B3GALNT2: variants seen among roughly 807,000 people sequenced by gnomAD.
B3GALNT2 encodes the protein UDP-GalNAc:beta-1,3-N-acetylgalactosaminyltransferase 2.
A neutral mutation model predicts 61.1 loss-of-function variants in B3GALNT2; 53 were observed. That is an observed-to-expected ratio of 0.87 (90% confidence interval 0.70 to 1.09). The LOEUF is 1.09. Among genes scored for constraint, B3GALNT2 ranks in the 50% least tolerant of loss-of-function variants. The probability of loss-of-function intolerance (pLI) is 0.00; values close to 1 mark genes in which losing one functional copy is unlikely to be tolerated. For synonymous variants in B3GALNT2, 223 were observed against 237.4 expected, an observed-to-expected ratio of 0.94 and a Z score of 0.56; for missense variants, 544 against 623.0, an observed-to-expected ratio of 0.87 and a Z score of 1.35.
rs776153145 is a variant in B3GALNT2 at position 235,458,783 on chromosome 1, C to T, written c.845G>A (p.Gly282Asp). 1.3e-6 allele frequency: 2 copies of T among 1,578,028 alleles called. No individual in the cohort carries two copies. Among genetic ancestry groups the T allele is most frequent in the Admixed American group, 1.9e-5 (1 of 52,094 alleles). Residue 282 changes from glycine to aspartate, a missense_variant, in exon 8 of 12, where the codon GGT (glycine) becomes GAT (aspartate). Gly to Asp is a moderately conservative substitution (Grantham distance 94, BLOSUM62 -1). Coordinates refer to ENST00000366600, the MANE Select transcript of B3GALNT2 (RefSeq NM_152490.5). Reference protein sequence around the residue: ...AGGFIYTIQEGDALLHNLHSR... With the variant: ...AGGFIYTIQEDDALLHNLHSR... ...ATGAAGGTTGTGTAAGAGAGCATCA[C>T]CTTCTATAAAGGAAAAGTTGAGAGT... is the stretch of plus-strand genomic sequence containing the variant.
chr1:235,497,080 C>CA (rs1173774243), intron 1 of B3GALNT2, among the ~76,000 whole-genome samples: 1 of 152,186 alleles, frequency 6.6e-6, no homozygotes, highest in East Asian at 1.9e-4. Flanking sequence ...CTGGGTAACA[C>CA]ATCAATTTTT....
At chr1:235,473,708 C>T (rs1383890559) in intron 5 of B3GALNT2, among the ~76,000 whole-genome samples, 1 of 152,106 alleles carries the variant, frequency 6.6e-6, no homozygotes, top group Non-Finnish European at 1.5e-5. Flanking sequence ...TAAAATAAAA[C>T]AGAAGGCTAG....
rs527320126 is a variant in B3GALNT2, at chr1:235,477,862, G to A, written c.651+2192C>T. Among the ~76,000 whole-genome samples, 350 of 152,278 alleles carry A rather than the reference G, an allele frequency of 2.3e-3. 1 individual carries two copies. The Middle Eastern group carries it at 0.024, about 10-fold the overall frequency. ...ACATCTATTGATCTACTGAATGCGTGGCATATGGCAGCATGTTCTAAGCAG... is the reference window on the plus strand; with the variant it reads ...ACATCTATTGATCTACTGAATGCGTAGCATATGGCAGCATGTTCTAAGCAG... On this transcript the variant is annotated intron_variant, in intron 5 of 11. Transcript: ENST00000366600.
At chr1:235,473,817 C>T (rs1684116868) in intron 5 of B3GALNT2, among the ~76,000 whole-genome samples, 1 of 152,174 alleles carries the variant, frequency 6.6e-6, no homozygotes, top group South Asian at 2.1e-4. Flanking sequence ...AAAATCCTCA[C>T]CTTGAAACTA....
chr1:235,452,983 C>T, intron 11 of B3GALNT2, 107 bp downstream of exon 11: 1 of 988,100 alleles, frequency 1.0e-6, no homozygotes, highest in Non-Finnish European at 1.5e-6. Flanking sequence ...ATCTGAAATC[C>T]TAAATACTTC....
downstream of B3GALNT2, among the ~76,000 whole-genome samples, chr1:235,444,479 C>T (rs969353066): frequency 8.5e-5 from 13 of 152,160 alleles, no homozygotes; most frequent in African/African-American, 2.9e-4. Context: ...TCACTGCAGG[C>T]TCCATCACCT....
intron 1 of B3GALNT2, chr1:235,496,335 CA>C: frequency 9.7e-7 from 1 of 1,027,828 alleles, no homozygotes; most frequent in Non-Finnish European, 1.2e-6. Context: ...AGTTCCATTC[CA>C]AATGGAATAG....
intron 1 of B3GALNT2, among the ~76,000 whole-genome samples, chr1:235,503,713 C>T (rs934364477): frequency 6.6e-6 from 1 of 152,022 alleles, no homozygotes; most frequent in Admixed American, 6.6e-5. Context: ...CACTAAAACC[C>T]CAGTCTTGAC....
downstream of B3GALNT2, among the ~76,000 whole-genome samples, chr1:235,444,523 C>T (rs943733956): frequency 1.3e-5 from 2 of 152,208 alleles, no homozygotes; most frequent in African/African-American, 4.8e-5. Flanking sequence ...CCTACCTCAG[C>T]CTCCTGAGTA....
At position 235,466,207 on chromosome 1, in the gene B3GALNT2, T is replaced by A. The variant is rs559502643; in HGVS notation, c.763-493A>T. On this transcript the variant is annotated intron_variant, in intron 6 of 11. Coordinates refer to ENST00000366600, the MANE Select transcript of B3GALNT2 (RefSeq NM_152490.5). ...CTACTGTATATTGATTAAAAAAAAA[T>A]TTTTTTTTAATTTTTAATTTTTCTT... is the stretch of plus-strand genomic sequence containing the variant. Among the ~76,000 whole-genome samples the A allele has an allele frequency of 3.4e-3, 512 of 149,344 alleles. 1 individual carries two copies. The highest frequency in any genetic ancestry group is 0.01 in the African/African-American group (423 of 40,646).
chr1:235,489,515 C>T (rs1054146797), intron 2 of B3GALNT2, among the ~76,000 whole-genome samples: 4 of 152,142 alleles, frequency 2.6e-5, no homozygotes, highest in African/African-American at 4.8e-5. Flanking sequence ...TGTCTGGCCT[C>T]GCTACAAGCA....
chr1:235,461,697 A>C (rs749478350), intron 7 of B3GALNT2, among the ~76,000 whole-genome samples: 1 of 151,658 alleles, frequency 6.6e-6, no homozygotes, highest in African/African-American at 2.4e-5. Context: ...TTGTATTTTT[A>C]GTATAGATGG....
At chr1:235,496,155 T>G (rs1685308018) in intron 1 of B3GALNT2, 2 of 168,156 alleles carry the variant, frequency 1.2e-5, no homozygotes, top group South Asian at 2.1e-4. Flanking sequence ...CTACTAAAAA[T>G]ACAAAATTAG....
chr1:235,491,558 C>T (rs774881862), intron 2 of B3GALNT2, among the ~76,000 whole-genome samples: 1 of 152,132 alleles, frequency 6.6e-6, no homozygotes, highest in Non-Finnish European at 1.5e-5. Context: ...ATGAAACCTG[C>T]TCTTCTCTTT....
At chr1:235,453,032 A>G in intron 11 of B3GALNT2, 58 bp downstream of exon 11, 1 of 1,434,640 alleles carries the variant, frequency 7.0e-7, no homozygotes, top group South Asian at 1.2e-5. Flanking sequence ...CTCAACCTGT[A>G]TATAGAAATC....
chr1:235,441,615 G>C, the B3GALNT2 span: 1 of 591,206 alleles, frequency 1.7e-6, no homozygotes, highest in Non-Finnish European at 3.0e-6. Flanking sequence ...TGCAGCTCTG[G>C]GTAGATAGAA....
At chr1:235,453,463 T>TC (rs1450551714) in intron 10 of B3GALNT2, among the ~76,000 whole-genome samples, 2 of 151,718 alleles carry the variant, frequency 1.3e-5, no homozygotes, top group African/African-American at 4.8e-5. Flanking sequence ...GACTATACTT[T>TC]TTTTTTTTTT....
intron 1 of B3GALNT2, 113 bp downstream of exon 1, chr1:235,504,028 G>C: frequency 9.1e-7 from 1 of 1,097,860 alleles, no homozygotes; most frequent in Non-Finnish European, 1.1e-6. Context: ...TCTGGGGACC[G>C]TCGCGTTTGG....
At chr1:235,486,975 C>T (rs1684837370) in intron 3 of B3GALNT2, among the ~76,000 whole-genome samples, 2 of 151,952 alleles carry the variant, frequency 1.3e-5, no homozygotes, top group African/African-American at 4.8e-5. Flanking sequence ...TTGAGACTAG[C>T]CTGGCCAATG....
Sources: allele counts gnomAD v4.1 joint callset (sites outside exome capture counted in the v4.1 genomes callset), GRCh38; gene constraint gnomAD v4.1.1; transcripts MANE v1.5; gene names NCBI Gene and HGNC (gene_info 2026-07-23, HGNC 2026-07-21).